Variants in NKAIN2 observed in about 807,000 individuals in gnomAD.
NKAIN2 encodes sodium/potassium transporting ATPase interacting 2.
Under a neutral mutation model 32.6 loss-of-function variants are expected in NKAIN2, and 14 were observed. That is an observed-to-expected ratio of 0.43 (90% confidence interval 0.28 to 0.67). The LOEUF (loss-of-function observed/expected upper bound fraction) is 0.67, where lower values mean the gene tolerates loss of function less well. Ranked by LOEUF, NKAIN2 falls within the 30% of genes least tolerant of loss-of-function variation. The pLI is 0.17. For synonymous variants in NKAIN2, 80 were observed against 87.2 expected (o/e 0.92, Z 0.46); for missense variants, 198 against 258.3 (o/e 0.77, Z 1.60).
intron 1 of NKAIN2, among the ~76,000 whole-genome samples, chr6:124,090,848 A>G (rs1012816395): frequency 6.6e-6 from 1 of 151,974 alleles, no homozygotes; most frequent in Non-Finnish European, 1.5e-5. Context: ...TTAAAATACA[A>G]TATCAATCCC....
intron 1 of NKAIN2, among the ~76,000 whole-genome samples, chr6:123,913,836 A>T (rs1336152212): frequency 6.6e-6 from 1 of 152,160 alleles, no homozygotes; most frequent in Non-Finnish European, 1.5e-5. Context: ...TGATTTTTTC[A>T]TATGATTATA....
At chr6:123,847,955 A>T (rs538502219) in intron 1 of NKAIN2, among the ~76,000 whole-genome samples, 2 of 152,144 alleles carry the variant, frequency 1.3e-5, no homozygotes, top group Non-Finnish European at 2.9e-5. Flanking sequence ...TACTTCAAAC[A>T]TGAGCACCTT....
intron 1 of NKAIN2, among the ~76,000 whole-genome samples, chr6:124,259,799 G>A (rs1174901697): frequency 1.3e-5 from 2 of 152,116 alleles, no homozygotes; most frequent in African/African-American, 4.8e-5. Flanking sequence ...CGTGCTGCAG[G>A]TGGGGTGATC....
In NKAIN2 at chr6:124,331,358, A is replaced by C. The variant is rs1298219550; in HGVS notation, c.193-23909A>C. Among the ~76,000 whole-genome samples, 483 of 135,316 alleles carry C rather than the reference A, an allele frequency of 3.6e-3. 4 individuals are homozygous for C. The highest frequency in any genetic ancestry group is 5.9e-3 in the Non-Finnish European group (376 of 63,926). The allele number at this position is 135,316 out of a possible 152,430, so 88.8% of individuals were successfully genotyped here. A position where few individuals can be genotyped will look rare whatever the true frequency, so the allele number is the denominator to read the frequency against. ...CTACTAAATATACAAAAAAAAAAAA[A>C]AAAAAAAAAAAAAAAAAAAAACTAG... On this transcript the variant is annotated intron_variant, in intron 2 of 6. Coordinates refer to ENST00000368417, the MANE Select transcript of NKAIN2 (RefSeq NM_001040214.3).
chr6:124,259,337 A>G (rs1246924026), intron 1 of NKAIN2, among the ~76,000 whole-genome samples: 3 of 152,254 alleles, frequency 2.0e-5, no homozygotes, highest in South Asian at 2.1e-4. Flanking sequence ...CTGGCATCTC[A>G]TTGTTTGGGT....
At chr6:123,885,453 A>AT (rs1292480827) in intron 1 of NKAIN2, among the ~76,000 whole-genome samples, 1 of 152,106 alleles carries the variant, frequency 6.6e-6, no homozygotes, top group Non-Finnish European at 1.5e-5. Flanking sequence ...TTAGGTAGGA[A>AT]TTTTTGTCAT....
At chr6:124,177,626 T>A (rs529869170) in intron 1 of NKAIN2, among the ~76,000 whole-genome samples, 2 of 151,676 alleles carry the variant, frequency 1.3e-5, no homozygotes, top group African/African-American at 4.8e-5. Context: ...TGGTTGAAAG[T>A]TTTTTTTTCC....
chr6:124,020,546 A>T (rs550896665), intron 1 of NKAIN2, among the ~76,000 whole-genome samples: 1 of 152,282 alleles, frequency 6.6e-6, no homozygotes, highest in South Asian at 2.1e-4. Context: ...TACTGCAACC[A>T]ACAAAAAAGA....
intron 3 of NKAIN2, among the ~76,000 whole-genome samples, chr6:124,538,586 C>A (rs1337328299): frequency 6.6e-6 from 1 of 152,038 alleles, no homozygotes; most frequent in Non-Finnish European, 1.5e-5. Context: ...AGAACATACC[C>A]ATTTTGAAAA....
chr6:124,517,512 C>G (rs939097457), intron 3 of NKAIN2, among the ~76,000 whole-genome samples: 4 of 152,036 alleles, frequency 2.6e-5, no homozygotes, highest in African/African-American at 9.7e-5. Flanking sequence ...AATCAGTTTC[C>G]TTACTCAGGC....
At chr6:124,529,712 G>C (rs1425505917) in intron 3 of NKAIN2, among the ~76,000 whole-genome samples, 2 of 152,178 alleles carry the variant, frequency 1.3e-5, no homozygotes, top group Non-Finnish European at 2.9e-5. Flanking sequence ...AGGACAGGAT[G>C]AGGCCTAGTC....
At chr6:124,007,669 C>T (rs1780131759) in intron 1 of NKAIN2, among the ~76,000 whole-genome samples, 1 of 152,074 alleles carries the variant, frequency 6.6e-6, no homozygotes, top group South Asian at 2.1e-4. Context: ...AGACCTCAAC[C>T]CTACACTAAT....
intron 3 of NKAIN2, among the ~76,000 whole-genome samples, chr6:124,630,301 T>TA (rs912856299): frequency 1.2e-3 from 176 of 152,236 alleles, no homozygotes; most frequent in African/African-American, 4.1e-3. Flanking sequence ...ATTATTCAGA[T>TA]AAAAAATGGC....
At chr6:124,233,514 G>T (rs566077449) in intron 1 of NKAIN2, among the ~76,000 whole-genome samples, 1 of 152,248 alleles carries the variant, frequency 6.6e-6, no homozygotes, top group Non-Finnish European at 1.5e-5. Context: ...CCATGGCTTT[G>T]GAAGGGAGCT....
At chr6:123,897,721 A>G (rs1774351788) in intron 1 of NKAIN2, among the ~76,000 whole-genome samples, 1 of 152,022 alleles carries the variant, frequency 6.6e-6, no homozygotes, top group Non-Finnish European at 1.5e-5. Context: ...AATGTCTGGC[A>G]TAGAGAGGGT....
intron 4 of NKAIN2, among the ~76,000 whole-genome samples, chr6:124,721,390 C>G (rs939370874): frequency 7.7e-6 from 1 of 129,466 alleles, no homozygotes; most frequent in Non-Finnish European, 1.6e-5. Context: ...GGCGACAGAA[C>G]GAGACTCCGT....
At chr6:124,696,827 A>C (rs560743835) in intron 4 of NKAIN2, among the ~76,000 whole-genome samples, 58 of 151,928 alleles carry the variant, frequency 3.8e-4, no homozygotes, top group South Asian at 1.7e-3. Flanking sequence ...GATTGAAATA[A>C]CAGAATTTAG....
chr6:124,332,478 T>C (rs1320645749), intron 2 of NKAIN2, among the ~76,000 whole-genome samples: 1 of 152,188 alleles, frequency 6.6e-6, no homozygotes, highest in African/African-American at 2.4e-5. Flanking sequence ...AGGCCCTATC[T>C]ACTGACACCC....
Position 124,825,062 on chromosome 6 carries a change from G to A in NKAIN2, c.*1833G>A, listed in dbSNP as rs1781533826. On this transcript the variant is annotated 3_prime_UTR_variant, in exon 7 of 7. Transcript: ENST00000368417. ...AAACCTCATATGACGCTTTTATAGT[G>A]ACATGCATGTTTAATGTATGAGAAA... The A allele has an allele frequency of 6.6e-6, 1 of 152,546 alleles. No homozygotes were observed. The highest frequency in any genetic ancestry group is 1.5e-5 in the Non-Finnish European group (1 of 68,022). 9.4% of individuals were successfully genotyped at this position (152,546 alleles called of 1,614,324 possible). A position where few individuals can be genotyped will look rare whatever the true frequency, so the allele number is the denominator to read the frequency against.
Sources: gnomAD v4.1 joint callset for allele counts (sites outside exome capture counted in the v4.1 genomes callset) on GRCh38, gnomAD v4.1.1 for gene constraint, MANE v1.5 for transcripts, NCBI Gene and HGNC (gene_info 2026-07-23, HGNC 2026-07-21) for gene names.